The following MISP variants were observed in gnomAD, a reference collection of about 807,000 sequenced individuals.
MISP encodes the protein mitotic spindle positioning.
MISP carries 51 observed loss-of-function variants against 49.3 expected under a neutral mutation model. The ratio of observed to expected loss-of-function variants is 1.03; its 90% CI spans 0.83 to 1.31. MISP has a LOEUF of 1.31. MISP is among the 50% of genes most tolerant of loss of function. MISP has a pLI of 0.00. For synonymous variants in MISP, 444 were observed against 392.6 expected (o/e 1.13, Z -1.55); for missense variants, 1,084 against 935.1 (o/e 1.16, Z -2.08).
chr19:763,928 C>A lies in MISP; in HGVS notation c.*338C>A, dbSNP rs2033714417. On this transcript the variant is annotated 3_prime_UTR_variant, in exon 5 of 5. Coordinates refer to ENST00000215582, the MANE Select transcript of MISP (RefSeq NM_173481.4). Reference sequence around the variant, plus strand: ...CTCCACTTTCAGGTGTAATTTGCTTCCGCTAGTCTGAGGGCAGAGGGACCG... The same window carrying A: ...CTCCACTTTCAGGTGTAATTTGCTTACGCTAGTCTGAGGGCAGAGGGACCG... The A allele has an allele frequency of 3.6e-6, 1 of 278,970 alleles. No individual in the cohort carries two copies. Among genetic ancestry groups the A allele is most frequent in the Non-Finnish European group, 7.0e-6 (1 of 143,594 alleles). 17.3% of individuals were successfully genotyped at this position (278,970 alleles called of 1,614,324 possible). A position where few individuals can be genotyped will look rare whatever the true frequency, so the allele number is the denominator to read the frequency against.
At chr19:753,490 A>G (rs1431758843) in intron 1 of MISP, among the ~76,000 whole-genome samples, 1 of 147,800 alleles carries the variant, frequency 6.8e-6, no homozygotes, top group East Asian at 2.0e-4. Flanking sequence ...GGTTCACAGC[A>G]TTCTCCTGCC....
chr19:753,372 T>C (rs1408418135), intron 1 of MISP, among the ~76,000 whole-genome samples: 1 of 150,774 alleles, frequency 6.6e-6, no homozygotes, highest in Non-Finnish European at 1.5e-5. Flanking sequence ...TAAGTTTTTC[T>C]TTTTTTTTCT....
chr19:762,630 G>T (rs34968763), intron 4 of MISP, among the ~76,000 whole-genome samples: 3,270 of 152,000 alleles, frequency 0.022, 77 homozygotes, highest in Non-Finnish European at 0.026. Context: ...TGGCACACGT[G>T]TGTGGCCCTC....
chr19:757,015 G>A lies in MISP; in HGVS notation c.69G>A (p.Leu23=). The change falls in exon 2 of 5, where the codon CTG becomes CTA. Residue 23 remains leucine (L), a synonymous_variant. Transcript: ENST00000215582. ...PQAHRGTGLV[L]DGDTSYTYHL... is the part of the protein sequence containing the mutation. ...CACACCGTGGCACCGGCCTGGTGCTGGATGGAGACACCAGCTACACATACC... is the reference window on the plus strand; with the variant it reads ...CACACCGTGGCACCGGCCTGGTGCTAGATGGAGACACCAGCTACACATACC... 1 of 1,605,096 alleles carries A rather than the reference G, an allele frequency of 6.2e-7. No homozygotes were observed. Among genetic ancestry groups the A allele is most frequent in the East Asian group, 2.3e-5 (1 of 44,294 alleles).
intron 4 of MISP, among the ~76,000 whole-genome samples, 196 bp downstream of exon 4, chr19:761,859 G>A (rs1377695534): frequency 6.6e-6 from 1 of 152,210 alleles, no homozygotes; most frequent in Non-Finnish European, 1.5e-5. Context: ...ATTAGGAGAA[G>A]AGGGTTCACA....
chr19:761,603 G>T (rs771623463), intron 3 of MISP, 22 bp from the exon 4 acceptor site: 2 of 1,614,052 alleles, frequency 1.2e-6, no homozygotes, highest in Non-Finnish European at 1.7e-6. Context: ...GGCCTGGGCT[G>T]ACTTGTGTTC....
rs747538902 is a variant in MISP at position 763,450 on chromosome 19, TG to T, written c.1951-46del. The T allele has an allele frequency of 1.6e-5, 22 of 1,344,340 alleles. 1 individual carries two copies. In the East Asian group the frequency reaches 4.6e-4, roughly 28 times the overall value. 83.3% of individuals were successfully genotyped at this position (1,344,340 alleles called of 1,614,324 possible). Reference sequence around the variant, plus strand: ...GAATTGGCAGTTGGAGGAGACATCTTGGGGGTGTGGTAGGACCTGGATCGGG... The same window carrying T: ...GAATTGGCAGTTGGAGGAGACATCTTGGGGTGTGGTAGGACCTGGATCGGG... On this transcript the variant is annotated intron_variant, in intron 4 of 4. Coordinates refer to ENST00000215582, the MANE Select transcript of MISP (RefSeq NM_173481.4).
Position 758,077 on chromosome 19 carries a change from A to G in MISP, c.1131A>G (p.Thr377=). ...REGLHVGRAS[T]PDWVSEGPQP... is the part of the protein sequence containing the mutation. ...GCCTGCACGTGGGCCGGGCGTCCAC[A>G]CCCGACTGGGTCTCGGAGGGTCCCC... is the stretch of plus-strand genomic sequence containing the variant. The change falls in exon 2 of 5, where the codon ACA becomes ACG. Residue 377 remains threonine, a synonymous_variant. Coordinates refer to ENST00000215582, the MANE Select transcript of MISP (RefSeq NM_173481.4). 1 of 1,576,906 alleles carries G rather than the reference A, an allele frequency of 6.3e-7. No individual in the cohort carries two copies. Among genetic ancestry groups the G allele is most frequent in the Non-Finnish European group, 8.6e-7 (1 of 1,162,802 alleles).
upstream of MISP, among the ~76,000 whole-genome samples, chr19:750,505 G>A (rs985748624): frequency 1.3e-5 from 2 of 152,054 alleles, no homozygotes; most frequent in African/African-American, 2.4e-5. Context: ...CGGCCCCCTC[G>A]TATGGGTTTT....
At chr19:749,010 C>T (rs1478008579), upstream of MISP, among the ~76,000 whole-genome samples, 11 of 152,314 alleles carry the variant, frequency 7.2e-5, no homozygotes, top group African/African-American at 2.4e-4. Flanking sequence ...TGGTGGCTCA[C>T]GCCTGTAATC....
At chr19:748,567 G>C (rs1026463695), upstream of MISP, among the ~76,000 whole-genome samples, 2 of 152,078 alleles carry the variant, frequency 1.3e-5, no homozygotes, top group African/African-American at 2.4e-5. Flanking sequence ...CTGGCTTCCC[G>C]GGGGGCCCTC....
intron 1 of MISP, among the ~76,000 whole-genome samples, chr19:754,193 G>A (rs1369407184): frequency 1.3e-5 from 2 of 152,044 alleles, no homozygotes; most frequent in African/African-American, 2.4e-5. Context: ...GGCTGGGCGC[G>A]GTGGCTCACG....
At chr19:754,464 A>C (rs1415093796) in intron 1 of MISP, among the ~76,000 whole-genome samples, 2 of 151,586 alleles carry the variant, frequency 1.3e-5, no homozygotes, top group Non-Finnish European at 3.0e-5. Flanking sequence ...CTCCGCCTCA[A>C]AAAAAAGAAA....
At chr19:755,315 G>A (rs558002582) in intron 1 of MISP, among the ~76,000 whole-genome samples, 4 of 152,306 alleles carry the variant, frequency 2.6e-5, no homozygotes, top group South Asian at 2.1e-4. Flanking sequence ...TGGGCCCAGC[G>A]GGACAAGGTC....
intron 1 of MISP, among the ~76,000 whole-genome samples, chr19:755,733 AC>A (rs536513939): frequency 3.9e-4 from 60 of 152,230 alleles, no homozygotes; most frequent in Middle Eastern, 3.4e-3. Flanking sequence ...GGAGTTCGAG[AC>A]CAACCTGGCC....
chr19:757,417 C>A lies in MISP; in HGVS notation c.471C>A (p.Thr157=). 1 of 1,600,918 alleles carries A rather than the reference C, an allele frequency of 6.2e-7. No individual in the cohort carries two copies. Among genetic ancestry groups the A allele is most frequent in the Non-Finnish European group, 8.5e-7 (1 of 1,174,594 alleles). Residue 157 remains threonine, a synonymous_variant, in exon 2 of 5, where the codon ACC becomes ACA. Coordinates refer to ENST00000215582, the MANE Select transcript of MISP (RefSeq NM_173481.4). ...IQGQAVRKSS[T]VATLQGTPDH... is the part of the protein sequence containing the mutation. The stretch of plus-strand genomic sequence containing the variant: ...GCCAGGCAGTCAGGAAGAGCAGCAC[C>A]GTGGCCACGCTCCAGGGCACTCCTG...
intron 3 of MISP, 63 bp downstream of exon 3, chr19:760,102 C>A: frequency 6.3e-7 from 1 of 1,595,894 alleles, no homozygotes; most frequent in South Asian, 1.1e-5. Context: ...ATTAGGGCCA[C>A]AGGAAGTTCA....
Position 758,037 on chromosome 19 carries a change from A to T in MISP, c.1091A>T (p.Asp364Val). 6.4e-7 allele frequency: 1 copy of T among 1,568,872 alleles called. No individual in the cohort carries two copies. Among genetic ancestry groups the T allele is most frequent in the Non-Finnish European group, 8.6e-7 (1 of 1,160,298 alleles). Residue 364 changes from aspartate to valine, a missense_variant, in exon 2 of 5, where the codon GAC becomes GTC. Physicochemically the swap from Asp to Val is radical, Grantham distance 152. Transcript: ENST00000215582. The part of the protein sequence containing the change: ...DIVQETQREE[D>V]HRREGLHVGR... Reference sequence around the variant, plus strand: ...GTACAGGAGACACAGCGTGAGGAAGACCACCGGCGGGAGGGCCTGCACGTG... The same window carrying T: ...GTACAGGAGACACAGCGTGAGGAAGTCCACCGGCGGGAGGGCCTGCACGTG...
At chr19:749,268 G>A (rs916218639), upstream of MISP, among the ~76,000 whole-genome samples, 3 of 152,218 alleles carry the variant, frequency 2.0e-5, no homozygotes, top group South Asian at 4.1e-4. Context: ...AGTTTTCCCC[G>A]ATGAGGTGGT....
Sources: allele counts gnomAD v4.1 joint callset (sites outside exome capture counted in the v4.1 genomes callset), GRCh38; gene constraint gnomAD v4.1.1; transcripts MANE v1.5; gene names NCBI Gene and HGNC (gene_info 2026-07-23, HGNC 2026-07-21).